Variants in LONP2 observed in about 807,000 individuals in gnomAD.
LONP2 encodes lon peptidase 2, peroxisomal.
LONP2 carries 60 observed loss-of-function variants against 85.6 expected under a neutral mutation model. The ratio of observed to expected loss-of-function variants is 0.70; its 90% confidence interval spans 0.57 to 0.87. LONP2 has a LOEUF of 0.87. Among genes scored for constraint, LONP2 ranks in the 40% least tolerant of loss-of-function variants. LONP2 has a pLI of 0.00. For missense variants in LONP2, 860 were observed against 1,063.5 expected (o/e 0.81, Z 2.66); for synonymous variants, 395 against 389.7 (o/e 1.01, Z -0.16).
chr16:48,353,995 TTTTG>T lies in LONP2; in HGVS notation c.*2197_*2200del, dbSNP rs1218233668. On this transcript the variant is annotated 3_prime_UTR_variant, in exon 15 of 15. Transcript: ENST00000285737. ...TTGCACTAGCTTTGTTTTTGGTTTG[TTTTG>T]TTTTTTTTTTAATTCCAGGGGTGGG... 3 of 148,156 alleles carry T rather than the reference TTTTG, an allele frequency of 2.0e-5. No individual in the cohort carries two copies. Among genetic ancestry groups the T allele is most frequent in the African/African-American group, 5.1e-5 (2 of 38,916 alleles). 9.2% of individuals were successfully genotyped at this position (148,156 alleles called of 1,614,324 possible).
chr16:48,267,277 G>A (rs151302478), intron 6 of LONP2, among the ~76,000 whole-genome samples: 2 of 152,250 alleles, frequency 1.3e-5, no homozygotes, highest in Admixed American at 6.5e-5. Flanking sequence ...TTGTGAGTGT[G>A]GTTATAAAAC....
rs1310926588 is a variant in LONP2, at chr16:48,355,085, T to TA, written c.*3284dup. 2.0e-5 allele frequency: 3 copies of TA among 152,142 alleles called. No individual in the cohort carries two copies. The highest frequency in any genetic ancestry group is 4.4e-5 in the Non-Finnish European group (3 of 68,040). 9.4% of individuals were successfully genotyped at this position (152,142 alleles called of 1,614,324 possible). On this transcript the variant is annotated 3_prime_UTR_variant, in exon 15 of 15. Coordinates refer to ENST00000285737, the MANE Select transcript of LONP2 (RefSeq NM_031490.5). ...CTGATTGTTTCCCCCTCTTGGGTAT[T>TA]ATGAGTAATGCTATGAACATGGGTG... is the stretch of plus-strand genomic sequence containing the variant.
intron 7 of LONP2, among the ~76,000 whole-genome samples, chr16:48,271,174 TCAAACAAACAAA>T (rs112143182): frequency 6.6e-6 from 1 of 151,952 alleles, no homozygotes; most frequent in African/African-American, 2.4e-5. Flanking sequence ...AGACATTATC[TCAAACAAACAAA>T]CAAACAAACA....
intron 9 of LONP2, among the ~76,000 whole-genome samples, chr16:48,298,902 C>CTT (rs914507785): frequency 6.9e-6 from 1 of 144,510 alleles, no homozygotes. Flanking sequence ...ATTTCTTTTT[C>CTT]TTTTTTTTTT....
intron 7 of LONP2, 56 bp from the exon 8 acceptor site, chr16:48,277,282 C>T (rs748870990): frequency 3.3e-5 from 51 of 1,558,064 alleles, no homozygotes; most frequent in East Asian, 9.1e-5. Context: ...TTCTGAATGG[C>T]GTCGCTCCTG....
intron 12 of LONP2, among the ~76,000 whole-genome samples, chr16:48,336,694 G>A (rs1313048938): frequency 6.6e-6 from 1 of 152,172 alleles, no homozygotes; most frequent in East Asian, 1.9e-4. Context: ...CTCAGTTAAG[G>A]TGGGACAGAA....
chr16:48,339,108 A>G (rs1214561889), intron 12 of LONP2, among the ~76,000 whole-genome samples: 1 of 152,200 alleles, frequency 6.6e-6, no homozygotes, highest in Non-Finnish European at 1.5e-5. Context: ...CAGGTAGTCT[A>G]GAAGCAAGCC....
intron 8 of LONP2, among the ~76,000 whole-genome samples, chr16:48,281,104 T>C (rs893688516): frequency 7.9e-5 from 12 of 152,164 alleles, no homozygotes; most frequent in African/African-American, 2.9e-4. Flanking sequence ...GTAAAATGTA[T>C]AAGATTATTT....
chr16:48,340,978 C>T (rs1023805744), intron 12 of LONP2, among the ~76,000 whole-genome samples: 1 of 151,734 alleles, frequency 6.6e-6, no homozygotes, highest in African/African-American at 2.4e-5. Context: ...TTAATTGGCT[C>T]ACGGTTCTGA....
At chr16:48,250,476 G>A (rs192394743) in intron 1 of LONP2, among the ~76,000 whole-genome samples, 2 of 147,470 alleles carry the variant, frequency 1.4e-5, no homozygotes, top group East Asian at 4.2e-4. Flanking sequence ...GTGAGACTCC[G>A]TCTCAAAAAA....
intron 12 of LONP2, among the ~76,000 whole-genome samples, chr16:48,336,977 CCA>C (rs1301696350): frequency 6.6e-6 from 1 of 152,194 alleles, no homozygotes; most frequent in East Asian, 1.9e-4. Context: ...AATTACTTAA[CCA>C]CACAGTCTAC....
downstream of LONP2, among the ~76,000 whole-genome samples, chr16:48,359,760 A>G (rs955741390): frequency 6.6e-6 from 1 of 152,016 alleles, no homozygotes; most frequent in African/African-American, 2.4e-5. Context: ...AGTTCAAAAG[A>G]TATTTATGTA....
In LONP2 at chr16:48,348,304, A is replaced by C; in HGVS notation, c.2337+14A>C. 1 of 1,398,114 alleles carries C rather than the reference A, an allele frequency of 7.2e-7. No homozygotes were observed. Among genetic ancestry groups the C allele is most frequent in the Admixed American group, 2.8e-5 (1 of 36,324 alleles). The allele number at this position is 1,398,114 out of a possible 1,614,324, so 86.6% of individuals were successfully genotyped here. A position where few individuals can be genotyped will look rare whatever the true frequency, so the allele number is the denominator to read the frequency against. ...CTTGTTCTTCCAGTAAGTATGAAAA[A>C]ACAATTTATATGGTTATTTTTTATT... On this transcript the variant is annotated intron_variant, in intron 14 of 14. Coordinates refer to ENST00000285737, the MANE Select transcript of LONP2 (RefSeq NM_031490.5).
At chr16:48,304,481 A>C (rs1209778246) in intron 11 of LONP2, among the ~76,000 whole-genome samples, 1 of 152,200 alleles carries the variant, frequency 6.6e-6, no homozygotes, top group African/African-American at 2.4e-5. Context: ...AGGCAGGCAG[A>C]TGACTTGAGG....
intron 10 of LONP2, among the ~76,000 whole-genome samples, chr16:48,301,001 T>G (rs577643990): frequency 6.6e-6 from 1 of 152,368 alleles, no homozygotes; most frequent in South Asian, 2.1e-4. Context: ...TATGTATACT[T>G]GTTAACTCAA....
chr16:48,297,947 C>T (rs974663739), intron 9 of LONP2, among the ~76,000 whole-genome samples: 6 of 152,204 alleles, frequency 3.9e-5, no homozygotes, highest in African/African-American at 1.2e-4. Flanking sequence ...ATCCACCCAC[C>T]TTGGCCTCCC....
intron 1 of LONP2, among the ~76,000 whole-genome samples, chr16:48,251,154 G>A (rs1361700202): frequency 3.3e-5 from 5 of 152,206 alleles, no homozygotes; most frequent in Non-Finnish European, 7.3e-5. Flanking sequence ...GTCACATACT[G>A]TATTACATGA....
At chr16:48,298,912 T>C (rs1346582385) in intron 9 of LONP2, among the ~76,000 whole-genome samples, 1 of 151,904 alleles carries the variant, frequency 6.6e-6, no homozygotes, top group Non-Finnish European at 1.5e-5. Context: ...CTTTTTTTTT[T>C]TGGAGGCAGT....
At chr16:48,325,172 C>T (rs1973343824) in intron 11 of LONP2, among the ~76,000 whole-genome samples, 1 of 152,152 alleles carries the variant, frequency 6.6e-6, no homozygotes, top group South Asian at 2.1e-4. Context: ...ATGCACAGTT[C>T]ATAATTCACA....
Sources: allele counts gnomAD v4.1 joint callset (sites outside exome capture counted in the v4.1 genomes callset), GRCh38; gene constraint gnomAD v4.1.1; transcripts MANE v1.5; gene names NCBI Gene and HGNC (gene_info 2026-07-23, HGNC 2026-07-21).